Variants in TMEM178B observed in about 807,000 individuals in gnomAD.
TMEM178B encodes the protein transmembrane protein 178B.
TMEM178B carries 5 observed loss-of-function variants against 31.0 expected under a neutral mutation model. The observed-to-expected ratio is 0.16, with a 90% confidence interval of 0.08 to 0.34. The LOEUF is 0.34. Ranked by LOEUF, TMEM178B falls within the 10% of genes least tolerant of loss-of-function variation. TMEM178B has a pLI of 1.00. For missense variants in TMEM178B, 275 were observed against 400.3 expected (o/e 0.69, Z 2.67); for synonymous variants, 164 against 164.0 (o/e 1.00, Z 0.00).
At chr7:141,237,346 C>A (rs1402874797) in intron 2 of TMEM178B, among the ~76,000 whole-genome samples, 2 of 151,524 alleles carry the variant, frequency 1.3e-5, no homozygotes, top group Admixed American at 1.3e-4. Context: ...TCTTAATGCT[C>A]AAAAATGGGG....
At chr7:141,395,327 G>A (rs1586932398) in intron 2 of TMEM178B, among the ~76,000 whole-genome samples, 1 of 152,160 alleles carries the variant, frequency 6.6e-6, no homozygotes, top group African/African-American at 2.4e-5. Context: ...TGTAGTCCCA[G>A]CCACTTGGGA....
intron 2 of TMEM178B, chr7:141,416,386 G>A (rs1008751018): frequency 1.3e-5 from 2 of 152,652 alleles, no homozygotes; most frequent in African/African-American, 2.4e-5. Context: ...GAATTATTTT[G>A]TGCTACTGAG....
chr7:141,122,400 A>G (rs749395992), intron 1 of TMEM178B, among the ~76,000 whole-genome samples: 3 of 152,222 alleles, frequency 2.0e-5, no homozygotes, highest in Non-Finnish European at 4.4e-5. Flanking sequence ...TCAATGGACA[A>G]TTATTGTAGC....
chr7:141,377,435 G>A (rs1184411506), intron 2 of TMEM178B, among the ~76,000 whole-genome samples: 5 of 151,888 alleles, frequency 3.3e-5, no homozygotes, highest in Middle Eastern at 3.4e-3. Flanking sequence ...TGCCTGCCTC[G>A]GCCTCCCTGC....
At chr7:141,239,003 T>C (rs890782558) in intron 2 of TMEM178B, among the ~76,000 whole-genome samples, 4 of 152,270 alleles carry the variant, frequency 2.6e-5, no homozygotes, top group African/African-American at 9.6e-5. Flanking sequence ...CTGAAAAATA[T>C]TTCACAATAA....
intron 1 of TMEM178B, among the ~76,000 whole-genome samples, chr7:141,183,898 T>C (rs367631498): frequency 7.9e-5 from 12 of 152,344 alleles, no homozygotes; most frequent in African/African-American, 2.6e-4. Flanking sequence ...CTCCTTGGTG[T>C]GCAGGACAGC....
intron 2 of TMEM178B, among the ~76,000 whole-genome samples, chr7:141,316,090 T>C (rs1464177709): frequency 6.6e-6 from 1 of 152,084 alleles, no homozygotes; most frequent in Non-Finnish European, 1.5e-5. Flanking sequence ...GGTCATATGT[T>C]TGAACTCTAG....
chr7:141,206,834 C>G (rs1251050768), intron 1 of TMEM178B, among the ~76,000 whole-genome samples: 1 of 152,264 alleles, frequency 6.6e-6, no homozygotes, highest in Admixed American at 6.5e-5. Flanking sequence ...AACAGATTTT[C>G]GAGTGTATAA....
In TMEM178B at chr7:141,263,684, G is replaced by C. The variant is rs375667973; in HGVS notation, c.496+50980G>C. Among the ~76,000 whole-genome samples, 2 of 152,256 alleles carry C rather than the reference G, an allele frequency of 1.3e-5. 1 individual carries two copies. On this transcript the variant is annotated intron_variant, in intron 2 of 3. Coordinates refer to ENST00000565468, the MANE Select transcript of TMEM178B (RefSeq NM_001195278.2). ...CAAGGATGTGGTTGTTCAGTTTCCTGGAAACTTCCTGGTACATACTGGAAT... is the reference window on the plus strand; with the variant it reads ...CAAGGATGTGGTTGTTCAGTTTCCTCGAAACTTCCTGGTACATACTGGAAT...
At position 141,427,408 on chromosome 7, in the gene TMEM178B, A is replaced by C. The variant is rs138874032; in HGVS notation, c.497-10200A>C. Among the ~76,000 whole-genome samples the C allele has an allele frequency of 1.1e-4, 17 of 152,348 alleles. No homozygotes were observed. The East Asian group carries it at 3.1e-3, about 28-fold the overall frequency. On this transcript the variant is annotated intron_variant, in intron 2 of 3. Transcript: ENST00000565468. ...AGCCCAGAAATAAAGCCACATGTTT[A>C]CAGCCAACTGATTTTCAACAAAGGT...
chr7:141,197,754 T>C (rs1174727482), intron 1 of TMEM178B, among the ~76,000 whole-genome samples: 1 of 152,156 alleles, frequency 6.6e-6, no homozygotes, highest in East Asian at 1.9e-4. Context: ...TGCCTCAGCC[T>C]CCCAAGTAGC....
At chr7:141,164,696 A>G (rs959978285) in intron 1 of TMEM178B, among the ~76,000 whole-genome samples, 1 of 152,232 alleles carries the variant, frequency 6.6e-6, no homozygotes, top group African/African-American at 2.4e-5. Context: ...AAACCCCCAA[A>G]TAAGTGGCTT....
chr7:141,484,382 A>G (rs1054755997), downstream of TMEM178B, among the ~76,000 whole-genome samples: 1 of 152,128 alleles, frequency 6.6e-6, no homozygotes, highest in Non-Finnish European at 1.5e-5. This position sits in a 1 kb window ranked among gnomAD's most constrained non-coding sequence, Gnocchi z 4.8. Context: ...GAGCATCGGT[A>G]TCACTTGAGA....
intron 1 of TMEM178B, among the ~76,000 whole-genome samples, chr7:141,089,055 C>T (rs1794835047): frequency 6.6e-6 from 1 of 152,066 alleles, no homozygotes; most frequent in South Asian, 2.1e-4. Flanking sequence ...TTATGCAAAA[C>T]CCTGTGGATA....
intron 1 of TMEM178B, among the ~76,000 whole-genome samples, chr7:141,176,608 G>A (rs1294291279): frequency 6.6e-6 from 1 of 152,068 alleles, no homozygotes. Flanking sequence ...TTGGTTGGTA[G>A]GCTATTAATT....
intron 2 of TMEM178B, among the ~76,000 whole-genome samples, chr7:141,251,948 A>G (rs1463294126): frequency 6.6e-6 from 1 of 152,094 alleles, no homozygotes; most frequent in Non-Finnish European, 1.5e-5. Flanking sequence ...TTCTTTTATC[A>G]TTTAATTTTT....
intron 2 of TMEM178B, among the ~76,000 whole-genome samples, chr7:141,395,085 G>A (rs1237869200): frequency 6.6e-6 from 1 of 152,142 alleles, no homozygotes; most frequent in African/African-American, 2.4e-5. Context: ...CAGACACTGG[G>A]CAGTCCTCCA....
At chr7:141,083,386 G>T (rs1316708503) in intron 1 of TMEM178B, among the ~76,000 whole-genome samples, 1 of 151,812 alleles carries the variant, frequency 6.6e-6, no homozygotes. Flanking sequence ...GAGAAAGTTA[G>T]ATTTAGGTGT....
intron 2 of TMEM178B, among the ~76,000 whole-genome samples, chr7:141,346,114 G>A (rs368281073): frequency 6.6e-6 from 1 of 151,910 alleles, no homozygotes. Flanking sequence ...CCAGCTACTC[G>A]GGAGGCTGAG....
Sources: allele counts gnomAD v4.1 joint callset (sites outside exome capture counted in the v4.1 genomes callset), GRCh38; gene constraint gnomAD v4.1.1; non-coding constraint Gnocchi (gnomAD v3.1); transcripts MANE v1.5; gene names NCBI Gene and HGNC (gene_info 2026-07-23, HGNC 2026-07-21).